Variants in NELL1 observed in about 807,000 individuals in gnomAD.
NELL1 encodes neural EGFL like 1.
NELL1 carries 76 observed loss-of-function variants against 107.4 expected under a neutral mutation model. The observed-to-expected ratio is 0.71, with a 90% confidence interval of 0.59 to 0.86. The LOEUF is 0.86. NELL1 is among the 40% of genes least tolerant of loss of function. The probability of loss-of-function intolerance (pLI) is 0.00; values close to 1 mark genes in which losing one functional copy is unlikely to be tolerated. For missense variants in NELL1, 1,024 were observed against 1,005.5 expected, an observed-to-expected ratio of 1.02 and a Z score of -0.25; for synonymous variants, 353 against 341.2, an observed-to-expected ratio of 1.03 and a Z score of -0.38.
At chr11:20,969,575 G>A (rs71488766) in intron 12 of NELL1, among the ~76,000 whole-genome samples, 6,263 of 151,684 alleles carry the variant, frequency 0.041, 208 homozygotes, top group Middle Eastern at 0.2. Context: ...TGGTCTTGGT[G>A]GTCAGCTATC....
At chr11:21,308,607 G>A (rs1484184468) in intron 14 of NELL1, among the ~76,000 whole-genome samples, 3 of 151,950 alleles carry the variant, frequency 2.0e-5, no homozygotes, top group Non-Finnish European at 4.4e-5. Flanking sequence ...TTTTTGAAGG[G>A]ATGATCAGGA....
chr11:20,995,715 A>G (rs1489078129), intron 12 of NELL1, among the ~76,000 whole-genome samples: 2 of 152,210 alleles, frequency 1.3e-5, no homozygotes, highest in African/African-American at 4.8e-5. Flanking sequence ...GTATCAATCA[A>G]TAAGTCAATC....
At chr11:20,810,641 A>T (rs1418976276) in intron 3 of NELL1, among the ~76,000 whole-genome samples, 1 of 152,140 alleles carries the variant, frequency 6.6e-6, no homozygotes, top group African/African-American at 2.4e-5. Context: ...GGTTGGTTCC[A>T]TGATTTTGCA....
rs773223078 is a variant in NELL1, at chr11:21,534,436, C to A, written c.1708C>A (p.Pro570Thr). Reference protein sequence around the residue: ...CHNHSRCVNLPGWYHCECRSG... With the variant: ...CHNHSRCVNLTGWYHCECRSG... The stretch of plus-strand genomic sequence containing the variant: ...CAACCATTCCCGCTGCGTTAACCTG[C>A]CAGGGTGGTACCACTGTGAGTGCAG... The change falls in exon 16 of 20, where the codon CCA becomes ACA. Residue 570 changes from proline to threonine, a missense_variant. Physicochemically the swap from Pro to Thr is conservative, Grantham distance 38 (BLOSUM62 -1). Transcript: ENST00000357134. 6 of 1,613,824 alleles carry A rather than the reference C, an allele frequency of 3.7e-6. No homozygotes were observed. The Admixed American group carries it at 6.7e-5, about 18-fold the overall frequency.
chr11:20,948,480 C>A lies in NELL1; in HGVS notation c.1171+1045C>A, dbSNP rs1005947743. On this transcript the variant is annotated intron_variant, in intron 11 of 19. Coordinates refer to ENST00000357134, the MANE Select transcript of NELL1 (RefSeq NM_006157.5). ...AGATATCCATCACCTCAAAATTGAT[C>A]TTTGTGTTGGGAACATTACAATTCT... 1.4e-3 allele frequency among the ~76,000 whole-genome samples: 207 copies of A among 152,034 alleles called. 1 individual carries two copies. Among genetic ancestry groups the A allele is most frequent in the African/African-American group, 4.6e-3 (189 of 41,466 alleles).
chr11:21,109,730 G>A lies in NELL1; in HGVS notation c.1301-3859G>A, dbSNP rs902292389. 5.9e-5 allele frequency among the ~76,000 whole-genome samples: 9 copies of A among 152,200 alleles called. No individual in the cohort carries two copies. In the East Asian group the frequency reaches 1.7e-3, roughly 30 times the overall value. ...TTTCTGTGAACAAAAAGCAGCCTTT[G>A]TCCTAGACTCATCTATAAAATTTAT... On this transcript the variant is annotated intron_variant, in intron 12 of 19. Coordinates refer to ENST00000357134, the MANE Select transcript of NELL1 (RefSeq NM_006157.5).
chr11:21,534,265 A>T (rs1018676349), intron 15 of NELL1, 109 bp from the exon 16 acceptor site: 1 of 1,263,382 alleles, frequency 7.9e-7, no homozygotes, highest in East Asian at 2.4e-5. Context: ...GTAGGTGACT[A>T]AACAGTTTTA....
At chr11:20,702,661 C>G (rs1377101485) in intron 2 of NELL1, among the ~76,000 whole-genome samples, 3 of 152,110 alleles carry the variant, frequency 2.0e-5, no homozygotes, top group Non-Finnish European at 4.4e-5. Context: ...ATAAAAAGCT[C>G]TTATTATTTT....
At chr11:21,276,600 A>G (rs1848868276) in intron 14 of NELL1, among the ~76,000 whole-genome samples, 2 of 152,184 alleles carry the variant, frequency 1.3e-5, no homozygotes, top group Non-Finnish European at 2.9e-5. Context: ...GTCAATCCTA[A>G]GCCAAAAGAA....
intron 15 of NELL1, among the ~76,000 whole-genome samples, chr11:21,472,439 G>A (rs942528859): frequency 1.3e-5 from 2 of 151,926 alleles, no homozygotes. Context: ...TCATTCTATT[G>A]TTATTGAGTC....
At chr11:21,310,046 A>G (rs1423253399) in intron 14 of NELL1, among the ~76,000 whole-genome samples, 1 of 152,142 alleles carries the variant, frequency 6.6e-6, no homozygotes, top group East Asian at 1.9e-4. Context: ...TAGAATATGT[A>G]GGGAGTTCTG....
At chr11:20,858,573 G>A (rs1447344755) in intron 4 of NELL1, among the ~76,000 whole-genome samples, 2 of 152,190 alleles carry the variant, frequency 1.3e-5, no homozygotes, top group Non-Finnish European at 2.9e-5. Context: ...TCTGTGACAG[G>A]AAGGATGACC....
At chr11:21,286,938 G>A (rs572314423) in intron 14 of NELL1, among the ~76,000 whole-genome samples, 1 of 152,338 alleles carries the variant, frequency 6.6e-6, no homozygotes, top group South Asian at 2.1e-4. Flanking sequence ...TCTGTAAAGT[G>A]TGATAACTGT....
chr11:20,998,581 G>C (rs1852144080), intron 12 of NELL1, among the ~76,000 whole-genome samples: 1 of 152,050 alleles, frequency 6.6e-6, no homozygotes, highest in Admixed American at 6.6e-5. Flanking sequence ...TCTCTCCTAG[G>C]TGTGTAAGCA....
At chr11:21,347,946 G>T (rs936325883) in intron 14 of NELL1, among the ~76,000 whole-genome samples, 1 of 152,154 alleles carries the variant, frequency 6.6e-6, no homozygotes, top group Non-Finnish European at 1.5e-5. Flanking sequence ...AAAGAAGGTT[G>T]CCAATCTTAG....
chr11:21,499,201 G>C (rs1006965643), intron 15 of NELL1, among the ~76,000 whole-genome samples: 10 of 148,944 alleles, frequency 6.7e-5, no homozygotes, highest in African/African-American at 2.6e-4. Flanking sequence ...ACAATTTTTT[G>C]TATGTTATTA....
chr11:21,187,378 A>G (rs1856956712), intron 13 of NELL1, among the ~76,000 whole-genome samples: 1 of 151,832 alleles, frequency 6.6e-6, no homozygotes, highest in Non-Finnish European at 1.5e-5. Flanking sequence ...AGGGTGGAAG[A>G]TGGTGCTAAG....
intron 5 of NELL1, among the ~76,000 whole-genome samples, chr11:20,910,966 TG>T (rs1850117739): frequency 6.6e-6 from 1 of 152,236 alleles, no homozygotes; most frequent in African/African-American, 2.4e-5. Context: ...CACATAAAAA[TG>T]CATTTCTTGG....
intron 2 of NELL1, among the ~76,000 whole-genome samples, chr11:20,729,290 C>A (rs181602097): frequency 2.1e-3 from 317 of 152,088 alleles, no homozygotes; most frequent in Middle Eastern, 3.4e-3. Context: ...TATTTAGATG[C>A]CTCTTATTTT....
Sources: allele counts gnomAD v4.1 joint callset (sites outside exome capture counted in the v4.1 genomes callset), GRCh38; gene constraint gnomAD v4.1.1; transcripts MANE v1.5; gene names NCBI Gene and HGNC (gene_info 2026-07-23, HGNC 2026-07-21).